Variants in ADAMTSL1 observed in about 807,000 individuals in gnomAD.
ADAMTSL1 encodes ADAMTS like 1, also known as ADAMTS-like protein 1.
A neutral mutation model predicts 201.8 loss-of-function variants in ADAMTSL1; 126 were observed. The observed-to-expected ratio is 0.62, with a 90% CI of 0.54 to 0.72. The LOEUF is 0.72. Among genes scored for constraint, ADAMTSL1 ranks in the 30% least tolerant of loss-of-function variants. The pLI is 0.00. For synonymous variants in ADAMTSL1, 1,121 were observed against 903.4 expected (o/e 1.24, Z -4.32); for missense variants, 2,679 against 2,277.8 (o/e 1.18, Z -3.59).
chr9:18,236,563 T>A (rs1262637737), intron 2 of ADAMTSL1, among the ~76,000 whole-genome samples: 2 of 152,220 alleles, frequency 1.3e-5, no homozygotes, highest in Non-Finnish European at 2.9e-5. Flanking sequence ...AAAATGTGTG[T>A]TTGTACTTTT....
At chr9:18,489,749 G>T (rs1051192892) in intron 1 of ADAMTSL1, among the ~76,000 whole-genome samples, 1 of 152,070 alleles carries the variant, frequency 6.6e-6, no homozygotes, top group Admixed American at 6.5e-5. Context: ...GCTCTTCTCA[G>T]ATAGCTAAAT....
chr9:18,842,148 C>G (rs1825761679), intron 23 of ADAMTSL1, among the ~76,000 whole-genome samples: 1 of 151,876 alleles, frequency 6.6e-6, no homozygotes, highest in Admixed American at 6.6e-5. Flanking sequence ...AATTTTGGAT[C>G]TTTCCTGCTT....
At chr9:18,169,866 A>G (rs1326351393) in intron 2 of ADAMTSL1, among the ~76,000 whole-genome samples, 1 of 152,014 alleles carries the variant, frequency 6.6e-6, no homozygotes, top group East Asian at 1.9e-4. Context: ...TGATTTTGGA[A>G]GGGTCAGATG....
At chr9:18,233,936 G>C (rs941438865) in intron 2 of ADAMTSL1, among the ~76,000 whole-genome samples, 1 of 152,144 alleles carries the variant, frequency 6.6e-6, no homozygotes, top group Non-Finnish European at 1.5e-5. Context: ...TTAAGAATAG[G>C]AGTGACACAC....
chr9:18,795,368 A>C (rs1271344241), intron 19 of ADAMTSL1, 29 bp from the exon 20 acceptor site: 7 of 1,612,880 alleles, frequency 4.3e-6, no homozygotes, highest in Non-Finnish European at 5.9e-6. Context: ...TGACTTGACC[A>C]GGTCTATATT....
intron 6 of ADAMTSL1, among the ~76,000 whole-genome samples, chr9:18,636,809 T>C (rs1001071322): frequency 3.9e-5 from 6 of 152,202 alleles, no homozygotes; most frequent in African/African-American, 1.4e-4. Flanking sequence ...TCAGTTTCAC[T>C]GAAAGGCTTC....
At chr9:18,499,667 C>G (rs1278701872) in intron 1 of ADAMTSL1, among the ~76,000 whole-genome samples, 4 of 152,154 alleles carry the variant, frequency 2.6e-5, no homozygotes, top group African/African-American at 9.7e-5. Context: ...ATAACTTAAG[C>G]TAAATGCTGT....
chr9:18,041,193 A>G (rs1821411947), intron 1 of ADAMTSL1, among the ~76,000 whole-genome samples: 1 of 152,200 alleles, frequency 6.6e-6, no homozygotes, highest in Non-Finnish European at 1.5e-5. Flanking sequence ...AAGTACCCTC[A>G]TCATCACTCT....
chr9:18,089,691 C>T (rs1294911005), intron 1 of ADAMTSL1, among the ~76,000 whole-genome samples: 1 of 152,074 alleles, frequency 6.6e-6, no homozygotes, highest in Non-Finnish European at 1.5e-5. Flanking sequence ...TGGCATGATT[C>T]CACTTGTAAA....
chr9:18,650,225 G>A (rs13287108), intron 7 of ADAMTSL1, among the ~76,000 whole-genome samples: 17,407 of 152,196 alleles, frequency 0.11, 1,307 homozygotes, highest in Non-Finnish European at 0.17. Flanking sequence ...CTGGTGTGCC[G>A]TTTCCTAAGC....
chr9:18,883,468 C>T (rs1395452556), intron 23 of ADAMTSL1, among the ~76,000 whole-genome samples: 2 of 152,174 alleles, frequency 1.3e-5, no homozygotes, highest in African/African-American at 4.8e-5. Flanking sequence ...AATTTCAACT[C>T]TTTTTAAGTG....
At chr9:18,658,955 A>G (rs764439815) in intron 8 of ADAMTSL1, among the ~76,000 whole-genome samples, 5 of 152,238 alleles carry the variant, frequency 3.3e-5, no homozygotes, top group Non-Finnish European at 7.3e-5. Context: ...ACATTACCAA[A>G]TTCTTTCCAG....
intron 1 of ADAMTSL1, among the ~76,000 whole-genome samples, chr9:17,950,159 G>A (rs918023071): frequency 6.6e-6 from 1 of 151,882 alleles, no homozygotes; most frequent in Non-Finnish European, 1.5e-5. Context: ...TGCCTGCCTC[G>A]GCCTCCTAAA....
chr9:18,751,199 A>C (rs1819451195), intron 15 of ADAMTSL1, among the ~76,000 whole-genome samples: 3 of 152,180 alleles, frequency 2.0e-5, no homozygotes, highest in Non-Finnish European at 4.4e-5. Context: ...CTAAGGGTTT[A>C]AAAATAAGAG....
At position 18,910,328 on chromosome 9, in the gene ADAMTSL1, A is replaced by C. The variant is rs992731770; in HGVS notation, c.*1780A>C. 7.2e-5 allele frequency: 11 copies of C among 152,218 alleles called. No individual in the cohort carries two copies. Among genetic ancestry groups the C allele is most frequent in the Non-Finnish European group, 1.3e-4 (9 of 68,030 alleles). The allele number at this position is 152,218 out of a possible 1,614,324, so 9.4% of individuals were successfully genotyped here. ...ATATCTTTTGTGAATATTTATTAGGATTTCTTATTAAAAAAGTGCAATATT... is the reference window on the plus strand; with the variant it reads ...ATATCTTTTGTGAATATTTATTAGGCTTTCTTATTAAAAAAGTGCAATATT... On this transcript the variant is annotated 3_prime_UTR_variant, in exon 29 of 29. Coordinates refer to ENST00000380548, the MANE Select transcript of ADAMTSL1 (RefSeq NM_001040272.6).
intron 1 of ADAMTSL1, among the ~76,000 whole-genome samples, chr9:17,915,754 T>C (rs180854254): frequency 6.6e-6 from 1 of 152,348 alleles, no homozygotes; most frequent in African/African-American, 2.4e-5. Context: ...GGTATAGTCA[T>C]AGCTTGTTCT....
intron 1 of ADAMTSL1, among the ~76,000 whole-genome samples, chr9:17,989,700 A>C (rs2131495092): frequency 6.6e-6 from 1 of 152,076 alleles, no homozygotes; most frequent in East Asian, 1.9e-4. Context: ...AATATTTGCC[A>C]CTTTCGTAGG....
chr9:18,298,232 A>C (rs1310667673), intron 2 of ADAMTSL1, among the ~76,000 whole-genome samples: 2 of 152,210 alleles, frequency 1.3e-5, no homozygotes, highest in African/African-American at 4.8e-5. Context: ...AATTATTTAC[A>C]CACAGGAAAG....
intron 1 of ADAMTSL1, among the ~76,000 whole-genome samples, chr9:18,486,247 G>A (rs976387162): frequency 1.1e-4 from 16 of 152,146 alleles, no homozygotes; most frequent in Admixed American, 3.3e-4. Flanking sequence ...GAAGGTATTC[G>A]GGAACAACCA....
Sources: allele counts gnomAD v4.1 joint callset (sites outside exome capture counted in the v4.1 genomes callset), GRCh38; gene constraint gnomAD v4.1.1; transcripts MANE v1.5; gene names NCBI Gene and HGNC (gene_info 2026-07-23, HGNC 2026-07-21).